The following NXN variants were observed in gnomAD, a reference collection of about 807,000 sequenced individuals.
The protein encoded by NXN is nucleoredoxin 1.
In NXN, 16 loss-of-function variants were observed where a neutral mutation model predicts 48.6. The ratio of observed to expected loss-of-function variants is 0.33; its 90% CI spans 0.22 to 0.50. The LOEUF is 0.50. Ranked by LOEUF, NXN falls within the 20% of genes least tolerant of loss-of-function variation. NXN has a pLI of 0.98. For missense variants in NXN, 492 were observed against 605.5 expected, an observed-to-expected ratio of 0.81 and a Z score of 1.97; for synonymous variants, 281 against 269.6, an observed-to-expected ratio of 1.04 and a Z score of -0.41.
intron 1 of NXN, among the ~76,000 whole-genome samples, chr17:973,754 A>G (rs1189799489): frequency 1.3e-5 from 2 of 151,538 alleles, no homozygotes; most frequent in South Asian, 2.1e-4. Flanking sequence ...ATCTCAGCTC[A>G]CTGCCAACTC....
At chr17:835,606 A>G (rs1443828135) in intron 1 of NXN, among the ~76,000 whole-genome samples, 1 of 152,198 alleles carries the variant, frequency 6.6e-6, no homozygotes, top group Non-Finnish European at 1.5e-5. Flanking sequence ...CCAACAAAAC[A>G]ATGAAACACA....
chr17:885,137 G>A (rs971402026), intron 1 of NXN, among the ~76,000 whole-genome samples: 16 of 152,208 alleles, frequency 1.1e-4, no homozygotes, highest in Non-Finnish European at 2.2e-4. Flanking sequence ...GTCCCATCAT[G>A]ATCAGTCAAG....
At chr17:882,567 G>A (rs9906762) in intron 1 of NXN, among the ~76,000 whole-genome samples, 23,653 of 151,932 alleles carry the variant, frequency 0.16, 1,994 homozygotes, top group Middle Eastern at 0.3. Context: ...CCGGGTTCAC[G>A]CCATTCTCCT....
At chr17:911,788 C>T (rs1319586177) in intron 1 of NXN, among the ~76,000 whole-genome samples, 6 of 147,000 alleles carry the variant, frequency 4.1e-5, no homozygotes, top group Non-Finnish European at 6.0e-5. Flanking sequence ...TTTTTAATGT[C>T]TAACCAAAGT....
chr17:864,987 T>G (rs1869849343), intron 1 of NXN, among the ~76,000 whole-genome samples: 1 of 152,180 alleles, frequency 6.6e-6, no homozygotes, highest in Admixed American at 6.5e-5. Context: ...GTCAGGCTCC[T>G]GGATCTCGGA....
chr17:971,245 C>T lies in NXN; in HGVS notation c.360+8074G>A, dbSNP rs373209305. Among the ~76,000 whole-genome samples, 5 of 151,874 alleles carry T rather than the reference C, an allele frequency of 3.3e-5. No homozygotes were observed. In the South Asian group the frequency reaches 8.4e-4, roughly 25 times the overall value. The stretch of plus-strand genomic sequence containing the variant: ...ACAGGCGTGAGCCACCGCGCGTGGC[C>T]GAGTCTCTTTTAATAGACTCAGATA... On this transcript the variant is annotated intron_variant, in intron 1 of 7. Transcript: ENST00000336868.
chr17:922,366 C>A (rs2068757833), intron 1 of NXN, among the ~76,000 whole-genome samples: 1 of 152,020 alleles, frequency 6.6e-6, no homozygotes, highest in Admixed American at 6.6e-5. Context: ...ATCACTTGAA[C>A]CCGGGAGGCA....
At chr17:913,526 G>A (rs533822024) in intron 1 of NXN, among the ~76,000 whole-genome samples, 14 of 152,250 alleles carry the variant, frequency 9.2e-5, no homozygotes, top group African/African-American at 1.7e-4. Flanking sequence ...AAGGAGAGTC[G>A]GTCAGTTTCC....
Position 819,463 on chromosome 17 carries a change from G to A in NXN, c.796C>T (p.Leu266Phe). Residue 266 changes from leucine (L) to phenylalanine (F), a missense_variant, in exon 5 of 8, where the codon CTC becomes TTC. Leu to Phe is a conservative substitution (Grantham distance 22, BLOSUM62 0). Around this residue, in one of 3 missense-constraint regions of NXN, gnomAD observed 303 missense variants for 388.3 expected, o/e 0.78. Transcript: ENST00000336868. ...PYTDEARRSR[L>F]NRLYGIQGIP... is the part of the protein sequence containing the mutation. ...CCTTGGATTCCGTACAGCCGGTTGA[G>A]GCGCGACCGCCGGGCCTCATCCGTG... 1 of 1,614,154 alleles carries A rather than the reference G, an allele frequency of 6.2e-7. No homozygotes were observed. The highest frequency in any genetic ancestry group is 1.7e-5 in the Admixed American group (1 of 60,026).
intron 5 of NXN, among the ~76,000 whole-genome samples, chr17:817,675 A>G (rs1014085808): frequency 1.3e-5 from 2 of 151,558 alleles, no homozygotes; most frequent in Admixed American, 6.6e-5. Context: ...ATTCAGGAAA[A>G]AAAAAAAAAA....
rs1010041759 is a variant in NXN at position 799,598 on chromosome 17, C to G, written c.*1351G>C. 2.6e-5 allele frequency: 4 copies of G among 152,380 alleles called. No individual in the cohort carries two copies. The highest frequency in any genetic ancestry group is 9.6e-5 in the African/African-American group (4 of 41,572). The allele number at this position is 152,380 out of a possible 1,614,324, so 9.4% of individuals were successfully genotyped here. ...GGCTAAAACGCTTGGCCGAAGCCGT[C>G]CATCCCCAATCCTGAGAACAGAGTT... is the stretch of plus-strand genomic sequence containing the variant. On this transcript the variant is annotated 3_prime_UTR_variant, in exon 8 of 8. Transcript: ENST00000336868.
chr17:863,990 A>G (rs971296882), intron 1 of NXN: 17 of 1,535,006 alleles, frequency 1.1e-5, no homozygotes, highest in Non-Finnish European at 1.5e-5. Flanking sequence ...ACCATTGCTC[A>G]GTTTCGGTGA....
chr17:853,719 A>ATTTT (rs1190997449), intron 1 of NXN, among the ~76,000 whole-genome samples: 30 of 101,840 alleles, frequency 2.9e-4, no homozygotes, highest in African/African-American at 1.4e-3. Flanking sequence ...ATATATATAT[A>ATTTT]TATATTTTTT....
At chr17:953,880 G>A (rs2069138737) in intron 1 of NXN, among the ~76,000 whole-genome samples, 1 of 152,052 alleles carries the variant, frequency 6.6e-6, no homozygotes, top group African/African-American at 2.4e-5. Flanking sequence ...AGGCTGCAGT[G>A]GGCCATGACC....
intron 1 of NXN, among the ~76,000 whole-genome samples, chr17:832,025 C>T (rs2144673201): frequency 6.6e-6 from 1 of 151,396 alleles, no homozygotes; most frequent in African/African-American, 2.4e-5. Flanking sequence ...ACAGGAATCT[C>T]TCTGTGGGTA....
At chr17:962,976 C>T (rs2150630673) in intron 1 of NXN, among the ~76,000 whole-genome samples, 1 of 152,268 alleles carries the variant, frequency 6.6e-6, no homozygotes, top group Middle Eastern at 3.4e-3. Context: ...CAGCCTGAGA[C>T]ATTTCCCATC....
At chr17:873,428 C>T (rs759000397) in intron 1 of NXN, among the ~76,000 whole-genome samples, 4 of 142,936 alleles carry the variant, frequency 2.8e-5, no homozygotes, top group Non-Finnish European at 6.0e-5. Flanking sequence ...ACCCAGGAGA[C>T]GGAGGTTGCA....
intron 1 of NXN, among the ~76,000 whole-genome samples, chr17:877,738 G>A (rs2068232941): frequency 1.3e-5 from 2 of 152,192 alleles, no homozygotes; most frequent in Non-Finnish European, 2.9e-5. Flanking sequence ...ATCTAACCTT[G>A]TGAGTTAGAG....
intron 1 of NXN, among the ~76,000 whole-genome samples, chr17:861,500 G>A (rs950381515): frequency 1.3e-5 from 2 of 152,136 alleles, no homozygotes; most frequent in Non-Finnish European, 2.9e-5. Flanking sequence ...CACACTTCAT[G>A]ACCAGATGTT....
Sources: gnomAD v4.1 joint callset for allele counts (sites outside exome capture counted in the v4.1 genomes callset) on GRCh38, gnomAD v4.1.1 for gene constraint, gnomAD v4.1.1 regional missense constraint, MANE v1.5 for transcripts, NCBI Gene and HGNC (gene_info 2026-07-23, HGNC 2026-07-21) for gene names.